The following ASCC3 variants were observed in gnomAD, a reference collection of about 807,000 sequenced individuals.
ASCC3 encodes ASC-1 complex subunit P200.
Under a neutral mutation model 256.3 loss-of-function variants are expected in ASCC3, and 158 were observed. The observed-to-expected ratio is 0.62, with a 90% confidence interval of 0.54 to 0.70. ASCC3 has a LOEUF of 0.70. Among genes scored for constraint, ASCC3 ranks in the 30% least tolerant of loss-of-function variants. The pLI, the probability that ASCC3 is intolerant of heterozygous loss-of-function variation, is 0.00. For missense variants in ASCC3, 2,259 were observed against 2,626.0 expected, an observed-to-expected ratio of 0.86 and a Z score of 3.05; for synonymous variants, 948 against 883.4, an observed-to-expected ratio of 1.07 and a Z score of -1.30.
chr6:100,614,474 C>T (rs1388052975), intron 30 of ASCC3, among the ~76,000 whole-genome samples: 1 of 152,114 alleles, frequency 6.6e-6, no homozygotes, highest in African/African-American at 2.4e-5. Context: ...AACGTATTAA[C>T]ACATGTAATC....
chr6:100,698,889 G>C (rs907878511), intron 13 of ASCC3, among the ~76,000 whole-genome samples: 1 of 152,122 alleles, frequency 6.6e-6, no homozygotes, highest in Admixed American at 6.5e-5. Flanking sequence ...GATCTTATAA[G>C]ATCAGACTTA....
intron 36 of ASCC3, among the ~76,000 whole-genome samples, chr6:100,566,876 C>T (rs115379076): frequency 0.016 from 2,488 of 152,186 alleles, 66 homozygotes; most frequent in African/African-American, 0.057. Flanking sequence ...AAAATTCATT[C>T]TCTCTTGAAT....
At chr6:100,660,649 C>G (rs1391324712) in intron 16 of ASCC3, among the ~76,000 whole-genome samples, 2 of 151,646 alleles carry the variant, frequency 1.3e-5, no homozygotes, top group African/African-American at 4.8e-5. Flanking sequence ...CCAATTCTGG[C>G]AGTGAATACT....
intron 8 of ASCC3, among the ~76,000 whole-genome samples, chr6:100,777,296 T>C (rs956986105): frequency 3.9e-5 from 6 of 152,250 alleles, no homozygotes; most frequent in African/African-American, 1.4e-4. Context: ...GACTTTGGGC[T>C]TTCCTAACAG....
intron 10 of ASCC3, among the ~76,000 whole-genome samples, chr6:100,755,093 C>T (rs980770092): frequency 2.6e-5 from 4 of 151,872 alleles, no homozygotes; most frequent in African/African-American, 9.7e-5. Context: ...TAAGTGAGAA[C>T]ATGTGATGTC....
At chr6:100,681,089 C>A (rs1777279060) in intron 13 of ASCC3, among the ~76,000 whole-genome samples, 1 of 152,060 alleles carries the variant, frequency 6.6e-6, no homozygotes, top group African/African-American at 2.4e-5. Flanking sequence ...TGTCTATAAA[C>A]TTGTCAAGGT....
chr6:100,745,882 T>C (rs1174523906), intron 10 of ASCC3, among the ~76,000 whole-genome samples: 1 of 152,158 alleles, frequency 6.6e-6, no homozygotes, highest in Non-Finnish European at 1.5e-5. Flanking sequence ...AGTAACCTTT[T>C]AGTCTTTTCC....
chr6:100,651,409 G>A (rs79158028), intron 19 of ASCC3, 151 bp downstream of exon 19: 3 of 351,246 alleles, frequency 8.5e-6, no homozygotes, highest in Non-Finnish European at 1.6e-5. Context: ...TTATAATCTA[G>A]GACAGTGGGT....
intron 13 of ASCC3, among the ~76,000 whole-genome samples, chr6:100,697,591 G>A (rs1778155446): frequency 6.6e-6 from 1 of 151,314 alleles, no homozygotes; most frequent in East Asian, 1.9e-4. Context: ...TACTTGTTTT[G>A]CTTCCAATTA....
chr6:100,519,021 A>G (rs1774172319), intron 37 of ASCC3, among the ~76,000 whole-genome samples: 1 of 152,168 alleles, frequency 6.6e-6, no homozygotes, highest in Non-Finnish European at 1.5e-5. Context: ...ATGACAGCAA[A>G]ATATTTATAA....
At chr6:100,521,224 A>C (rs1269393551) in intron 37 of ASCC3, among the ~76,000 whole-genome samples, 1 of 152,068 alleles carries the variant, frequency 6.6e-6, no homozygotes, top group African/African-American at 2.4e-5. Context: ...AACTTTACTT[A>C]ATAATGGCTC....
intron 10 of ASCC3, among the ~76,000 whole-genome samples, chr6:100,747,844 A>G (rs12664626): frequency 0.48 from 73,207 of 151,620 alleles, 17,691 homozygotes; most frequent in South Asian, 0.68. Flanking sequence ...CATTAGTTAT[A>G]CCTCAATAAA....
chr6:100,589,762 G>C lies in ASCC3; in HGVS notation c.5422C>G (p.Arg1808Gly), dbSNP rs748462453. Reference protein sequence around the residue: ...SYCIEIGEDNRSIEPLTYGRI... With the variant: ...SYCIEIGEDNGSIEPLTYGRI... The stretch of plus-strand genomic sequence containing the variant: ...CCATAAGTTAGAGGTTCAATGCTGC[G>C]ATTATCCTATTTCAAAAGAATAACA... The change falls in exon 36 of 42, where the codon CGC becomes GGC. Residue 1808 changes from arginine (R) to glycine (G), a missense_variant. Physicochemically the swap from Arg to Gly is moderately radical, Grantham distance 125 (BLOSUM62 -2). This residue lies in a region of ASCC3 where 1,839 missense variants were observed against 2,206.7 expected (regional missense o/e 0.83). Coordinates refer to ENST00000369162, the MANE Select transcript of ASCC3 (RefSeq NM_006828.4). The C allele has an allele frequency of 1.2e-5, 19 of 1,613,388 alleles. No individual in the cohort carries two copies. The highest frequency in any genetic ancestry group is 4.0e-5 in the African/African-American group (3 of 74,880).
chr6:100,786,514 G>C (rs189802285), intron 8 of ASCC3, among the ~76,000 whole-genome samples: 2 of 152,082 alleles, frequency 1.3e-5, no homozygotes, highest in Admixed American at 1.3e-4. Flanking sequence ...GGACTTGACC[G>C]TATAAGTGCC....
chr6:100,858,463 G>T, intron 3 of ASCC3: 1 of 588,020 alleles, frequency 1.7e-6, no homozygotes, highest in Non-Finnish European at 2.1e-6. Flanking sequence ...TATAGCTACA[G>T]CTTATCAGAT....
chr6:100,802,954 T>A (rs1769994264), intron 5 of ASCC3, among the ~76,000 whole-genome samples: 1 of 152,030 alleles, frequency 6.6e-6, no homozygotes, highest in African/African-American at 2.4e-5. Context: ...GCTGCAGTGA[T>A]CCCTGATTGT....
chr6:100,715,411 C>T lies in ASCC3; in HGVS notation c.2151+51G>A, dbSNP rs1018172923. The T allele has an allele frequency of 9.5e-6, 14 of 1,468,442 alleles. 2 individuals carry two copies. In the East Asian group the frequency reaches 2.8e-4, roughly 29 times the overall value. The allele number at this position is 1,468,442 out of a possible 1,614,324, so 91.0% of individuals were successfully genotyped here. On this transcript the variant is annotated intron_variant, in intron 13 of 41. Coordinates refer to ENST00000369162, the MANE Select transcript of ASCC3 (RefSeq NM_006828.4). ...AATATTAATAATTTTTATCATTAAG[C>T]ACTCTCTAAAAGCAGATAAATAAGT...
intron 8 of ASCC3, among the ~76,000 whole-genome samples, chr6:100,788,981 C>A (rs1769220141): frequency 6.6e-6 from 1 of 151,646 alleles, no homozygotes; most frequent in African/African-American, 2.4e-5. Context: ...CTACACTGTA[C>A]CCCCAAAAGG....
chr6:100,723,330 A>T (rs904847445), intron 11 of ASCC3, among the ~76,000 whole-genome samples: 2 of 151,710 alleles, frequency 1.3e-5, no homozygotes, highest in East Asian at 3.9e-4. Flanking sequence ...CAGAATTTTA[A>T]AATATTTATG....
Sources: allele counts gnomAD v4.1 joint callset (sites outside exome capture counted in the v4.1 genomes callset), GRCh38; gene constraint gnomAD v4.1.1; regional missense constraint gnomAD v4.1.1; transcripts MANE v1.5; gene names NCBI Gene and HGNC (gene_info 2026-07-23, HGNC 2026-07-21).